FBRSL1: variants seen among roughly 807,000 people sequenced by gnomAD.
FBRSL1 encodes the protein fibrosin-1-like protein.
Under a neutral mutation model 89.6 loss-of-function variants are expected in FBRSL1, and 51 were observed. The ratio of observed to expected loss-of-function variants is 0.57; its 90% CI spans 0.45 to 0.72. FBRSL1 has a LOEUF of 0.72. Ranked by LOEUF, FBRSL1 falls within the 30% of genes least tolerant of loss-of-function variation. FBRSL1 has a pLI of 0.00. For missense variants in FBRSL1, 1,618 were observed against 1,451.8 expected, an observed-to-expected ratio of 1.11 and a Z score of -1.86; for synonymous variants, 779 against 681.1, an observed-to-expected ratio of 1.14 and a Z score of -2.24.
At chr12:132,521,432 C>T (rs1273601040) in intron 2 of FBRSL1, among the ~76,000 whole-genome samples, 2 of 152,210 alleles carry the variant, frequency 1.3e-5, no homozygotes, top group Non-Finnish European at 2.9e-5. Flanking sequence ...CCCCATCTCC[C>T]AGGGGGCCTG....
At position 132,572,322 on chromosome 12, in the gene FBRSL1, A is replaced by G. The variant is rs2040083710; in HGVS notation, c.1412A>G (p.Tyr471Cys). Residue 471 changes from tyrosine (Y) to cysteine (C), a missense_variant, in exon 10 of 19, where the codon TAC (tyrosine) becomes TGC (cysteine). By Grantham distance (194) the Tyr-to-Cys change is radical (BLOSUM62 -2). Coordinates refer to ENST00000680143, the MANE Select transcript of FBRSL1 (RefSeq NM_001367871.1). The part of the protein sequence containing the change: ...DKYAPKLDSP[Y>C]FRHSSVSFFP... ...TATGCGCCCAAGCTGGACAGCCCCT[A>G]CTTCCGACATTCCAGCGTGAGTGTG... 4 of 1,551,022 alleles carry G rather than the reference A, an allele frequency of 2.6e-6. No homozygotes were observed. The highest frequency in any genetic ancestry group is 3.5e-6 in the Non-Finnish European group (4 of 1,146,698).
intron 5 of FBRSL1, among the ~76,000 whole-genome samples, chr12:132,563,470 G>A (rs888040403): frequency 4.6e-5 from 7 of 151,528 alleles, no homozygotes; most frequent in South Asian, 2.1e-4. Flanking sequence ...TTTCTCATTC[G>A]GTTCTGTGGA....
intron 4 of FBRSL1, among the ~76,000 whole-genome samples, chr12:132,537,126 C>T (rs574645269): frequency 5.3e-5 from 8 of 152,244 alleles, no homozygotes; most frequent in South Asian, 4.2e-4. Flanking sequence ...TGGCCACGCT[C>T]GACAGGATGT....
At position 132,508,224 on chromosome 12, in the gene FBRSL1, G is replaced by T. The variant is rs371082354; in HGVS notation, c.363G>T (p.Glu121Asp). 6.4e-7 allele frequency: 1 copy of T among 1,551,192 alleles called. No homozygotes were observed. ...WERRLIKKPR[E>D]SETCPPAEPS... ...GTCGTCTCATCAAGAAGCCCCGGGA[G>T]TCGGAAACCTGCCCCCCTGCGGAGC... The change falls in exon 2 of 19, where the codon GAG (glutamate) becomes GAT (aspartate). Residue 121 changes from glutamate (E) to aspartate (D), a missense_variant. By Grantham distance (45) the Glu-to-Asp change is conservative. Transcript: ENST00000680143.
chr12:132,516,230 AC>A (rs1414739522), intron 2 of FBRSL1, among the ~76,000 whole-genome samples: 3 of 149,634 alleles, frequency 2.0e-5, no homozygotes, highest in Non-Finnish European at 4.4e-5. Flanking sequence ...TTGCTCTATC[AC>A]CCAGGCTGGA....
chr12:132,567,846 C>T (rs1255954174), intron 6 of FBRSL1, among the ~76,000 whole-genome samples: 2 of 152,198 alleles, frequency 1.3e-5, no homozygotes, highest in African/African-American at 4.8e-5. Context: ...GGCCACCTGC[C>T]ACGAGCACCA....
At position 132,570,202 on chromosome 12, in the gene FBRSL1, G is replaced by C; in HGVS notation, c.968G>C (p.Gly323Ala). 6.6e-7 allele frequency: 1 copy of C among 1,504,592 alleles called. No individual in the cohort carries two copies. Among genetic ancestry groups the C allele is most frequent in the Non-Finnish European group, 8.8e-7 (1 of 1,135,060 alleles). The allele number at this position is 1,504,592 out of a possible 1,614,324, so 93.2% of individuals were successfully genotyped here. A position where few individuals can be genotyped will look rare whatever the true frequency, so the allele number is the denominator to read the frequency against. The change falls in exon 7 of 19, where the codon GGC becomes GCC. Residue 323 changes from glycine (G) to alanine (A), a missense_variant. Physicochemically the swap from Gly to Ala is moderately conservative, Grantham distance 60. Transcript: ENST00000680143. ...HVPASLGAFA[G>A]HSQAAANGLH... ...CCTGCATCCCTGGGCGCCTTCGCGG[G>C]CCACAGCCAGGCGGCAGCCAACGGC...
At chr12:132,508,075 C>A in intron 1 of FBRSL1, 78 bp from the exon 2 acceptor site, 1 of 1,445,002 alleles carries the variant, frequency 6.9e-7, no homozygotes, top group Non-Finnish European at 9.3e-7. Flanking sequence ...TTCCCAAGAG[C>A]TGCTCAGGTG....
At position 132,583,148 on chromosome 12, in the gene FBRSL1, C is replaced by A. The variant is rs1228484332; in HGVS notation, c.2379C>A (p.Ala793=). The A allele has an allele frequency of 6.8e-7, 1 of 1,463,488 alleles. No individual in the cohort carries two copies. The highest frequency in any genetic ancestry group is 1.5e-5 in the African/African-American group (1 of 67,626). 90.7% of individuals were successfully genotyped at this position (1,463,488 alleles called of 1,614,324 possible). ...KESRSPAKEE[A]AKMPARASPP... is the part of the protein sequence containing the mutation. Reference sequence around the variant, plus strand: ...GCCGCTCCCCGGCCAAGGAGGAGGCCGCCAAGATGCCCGCGCGCGCATCCC... The same window carrying A: ...GCCGCTCCCCGGCCAAGGAGGAGGCAGCCAAGATGCCCGCGCGCGCATCCC... Residue 793 remains alanine (A), a synonymous_variant, in exon 19 of 19, where the codon GCC becomes GCA. Coordinates refer to ENST00000680143, the MANE Select transcript of FBRSL1 (RefSeq NM_001367871.1).
intron 1 of FBRSL1, among the ~76,000 whole-genome samples, chr12:132,505,880 T>C (rs757098015): frequency 2.9e-4 from 44 of 152,258 alleles, no homozygotes; most frequent in Admixed American, 1.6e-3. Context: ...GGCGAAGCGC[T>C]GGCTGGCATC....
intron 4 of FBRSL1, among the ~76,000 whole-genome samples, chr12:132,543,735 G>A (rs577062385): frequency 4.3e-4 from 65 of 152,312 alleles, no homozygotes; most frequent in Non-Finnish European, 6.3e-4. Context: ...CATCCCCACC[G>A]CATAGCCACA....
At chr12:132,494,973 C>T (rs1320339151) in intron 1 of FBRSL1, among the ~76,000 whole-genome samples, 3 of 152,224 alleles carry the variant, frequency 2.0e-5, no homozygotes, top group Admixed American at 1.3e-4. Context: ...TGATCGTGTG[C>T]GGCCCCCGGC....
chr12:132,508,608 G>A (rs544401565), intron 2 of FBRSL1, among the ~76,000 whole-genome samples: 3 of 152,350 alleles, frequency 2.0e-5, no homozygotes, highest in Admixed American at 1.3e-4. Flanking sequence ...AGCAAGGCGC[G>A]CGTTCCGGGC....
chr12:132,499,353 G>A lies in FBRSL1; in HGVS notation c.291+8492G>A, dbSNP rs372699067. Among the ~76,000 whole-genome samples, 261 of 152,160 alleles carry A rather than the reference G, an allele frequency of 1.7e-3. 5 individuals carry two copies. The South Asian group carries it at 0.053, about 31-fold the overall frequency. ...CAGTGGTGCTGGACCTCTGGGAGAG[G>A]CCAGGTGAGCCGCTGGCCAGCAGGG... On this transcript the variant is annotated intron_variant, in intron 1 of 18. Transcript: ENST00000680143. This position sits in a 1 kb window ranked among gnomAD's most constrained non-coding sequence, Gnocchi z 4.3.
intron 4 of FBRSL1, among the ~76,000 whole-genome samples, chr12:132,543,831 G>A (rs1289783556): frequency 2.0e-5 from 3 of 152,202 alleles, no homozygotes; most frequent in East Asian, 1.9e-4. Context: ...CTGTGCTTCC[G>A]AGCCCCACTG....
At chr12:132,569,830 A>G (rs7312710) in intron 6 of FBRSL1, 96 bp from the exon 7 acceptor site, 362,332 of 933,734 alleles carry the variant, frequency 0.39, 70,866 homozygotes, top group South Asian at 0.47. Context: ...GCCCAGACAT[A>G]GCCTGGGCAC....
At position 132,510,068 on chromosome 12, in the gene FBRSL1, G is replaced by A. The variant is rs1027122932; in HGVS notation, c.489+1718G>A. ...CACTCACGCCTTCACTCCTGGGCCC[G>A]GGACGGCCGAGGCAGCAGAAGCAGC... On this transcript the variant is annotated intron_variant, in intron 2 of 18. Coordinates refer to ENST00000680143, the MANE Select transcript of FBRSL1 (RefSeq NM_001367871.1). The A allele has an allele frequency of 8.9e-5, 110 of 1,231,064 alleles. 1 individual carries two copies. The highest frequency in any genetic ancestry group is 8.4e-5 in the Admixed American group (2 of 23,672). The allele number at this position is 1,231,064 out of a possible 1,614,324, so 76.3% of individuals were successfully genotyped here.
intron 2 of FBRSL1, among the ~76,000 whole-genome samples, chr12:132,521,384 G>A (rs2035339644): frequency 6.6e-6 from 1 of 152,296 alleles, no homozygotes; most frequent in South Asian, 2.1e-4. Flanking sequence ...TGGAACTGTG[G>A]CCCAGCCCAA....
chr12:132,521,061 G>T (rs77714465), intron 2 of FBRSL1, among the ~76,000 whole-genome samples: 4,183 of 152,338 alleles, frequency 0.027, 133 homozygotes, highest in East Asian at 0.12. Flanking sequence ...CCCTGAGGCT[G>T]CTCAACCTTG....
Sources: gnomAD v4.1 joint callset for allele counts (sites outside exome capture counted in the v4.1 genomes callset) on GRCh38, gnomAD v4.1.1 for gene constraint, Gnocchi (gnomAD v3.1) non-coding constraint, MANE v1.5 for transcripts, NCBI Gene and HGNC (gene_info 2026-07-23, HGNC 2026-07-21) for gene names.